Variants in LINGO2 observed in about 807,000 individuals in gnomAD.
LINGO2 encodes the protein leucine rich repeat and Ig domain containing 2, also known as leucine-rich repeat and immunoglobulin-like domain-containing nogo receptor-interacting protein 2.
Under a neutral mutation model 30.6 loss-of-function variants are expected in LINGO2, and 14 were observed. That is an observed-to-expected ratio of 0.46 (90% CI 0.30 to 0.72). The LOEUF is 0.72. LINGO2 is among the 30% of genes least tolerant of loss of function. The pLI, the probability that LINGO2 is intolerant of heterozygous loss-of-function variation, is 0.07. For synonymous variants in LINGO2, 317 were observed against 288.5 expected, an observed-to-expected ratio of 1.10 and a Z score of -1.00; for missense variants, 729 against 751.7, an observed-to-expected ratio of 0.97 and a Z score of 0.35.
intron 4 of LINGO2, among the ~76,000 whole-genome samples, chr9:28,150,538 C>T (rs572885035): frequency 5.9e-5 from 9 of 152,156 alleles, no homozygotes; most frequent in African/African-American, 9.6e-5. Context: ...GAGCCGAGAT[C>T]GCACCACTGC....
intron 4 of LINGO2, among the ~76,000 whole-genome samples, chr9:28,276,107 C>T (rs2134107213): frequency 6.6e-6 from 1 of 152,196 alleles, no homozygotes; most frequent in Admixed American, 6.5e-5. Flanking sequence ...GGCTATGAGT[C>T]AAGGGGATTT....
At chr9:28,260,807 C>A (rs139638805) in intron 4 of LINGO2, among the ~76,000 whole-genome samples, 1 of 151,852 alleles carries the variant, frequency 6.6e-6, no homozygotes, top group South Asian at 2.1e-4. Flanking sequence ...TTCCTTTAGT[C>A]TCATATGACA....
In LINGO2 at chr9:27,957,443, G is replaced by A. The variant is rs147167819; in HGVS notation, c.-35-6737C>T. Among the ~76,000 whole-genome samples the A allele has an allele frequency of 3.5e-3, 530 of 152,198 alleles. 2 individuals carry two copies. Among genetic ancestry groups the A allele is most frequent in the Non-Finnish European group, 5.9e-3 (403 of 67,998 alleles). ...CGAGTAGCTGGGATTACAGGCATGT[G>A]TCACCAGGCCCAGCTATTTTTTGTA... On this transcript the variant is annotated intron_variant, in intron 5 of 5. Transcript: ENST00000379992.
At chr9:28,617,678 C>A (rs979022611) in intron 1 of LINGO2, among the ~76,000 whole-genome samples, 1 of 152,096 alleles carries the variant, frequency 6.6e-6, no homozygotes, top group Non-Finnish European at 1.5e-5. Context: ...AAATTACTCC[C>A]TTTATTTTCA....
At chr9:28,916,837 G>A in the LINGO2 span, among the ~76,000 whole-genome samples, 67 of 152,310 alleles carry the variant, frequency 4.4e-4, no homozygotes, top group Non-Finnish European at 8.2e-4. Context: ...TTAAATAGGT[G>A]TATATTCTAC....
At chr9:28,837,661 C>T in the LINGO2 span, among the ~76,000 whole-genome samples, 58,846 of 85,068 alleles carry the variant, frequency 0.69, 20,954 homozygotes, top group Middle Eastern at 0.86. Context: ...TATATATATA[C>T]ATATATATAT....
At chr9:28,822,250 A>G in the LINGO2 span, among the ~76,000 whole-genome samples, 8 of 152,340 alleles carry the variant, frequency 5.3e-5, no homozygotes, top group South Asian at 6.2e-4. Context: ...GGCCGAATAA[A>G]AAGCAAACTA....
chr9:29,016,835 C>T, the LINGO2 span, among the ~76,000 whole-genome samples: 2 of 152,232 alleles, frequency 1.3e-5, no homozygotes, highest in African/African-American at 4.8e-5. Context: ...CAACGATTTA[C>T]CCCTTCTACA....
At chr9:28,245,702 A>AAGAGAAT (rs1821972391) in intron 4 of LINGO2, among the ~76,000 whole-genome samples, 1 of 151,828 alleles carries the variant, frequency 6.6e-6, no homozygotes. Context: ...AATTGCTACA[A>AAGAGAAT]AGAGAATAAA....
the LINGO2 span, among the ~76,000 whole-genome samples, chr9:28,830,060 C>T: frequency 6.6e-6 from 1 of 152,164 alleles, no homozygotes; most frequent in East Asian, 1.9e-4. Flanking sequence ...CTGTAAAATC[C>T]AAGATAAAAA....
rs146723553 is a variant in LINGO2 at position 28,071,039 on chromosome 9, A to G, written c.-86-58634T>C. 2.1e-3 allele frequency among the ~76,000 whole-genome samples: 321 copies of G among 152,268 alleles called. 2 individuals carry two copies. Among genetic ancestry groups the G allele is most frequent in the African/African-American group, 7.1e-3 (297 of 41,552 alleles). ...CCCAGTACTACTGTTTATAAAGTAT[A>G]TTGAGGAAGATGAGATAGTTTACAT... On this transcript the variant is annotated intron_variant, in intron 4 of 5. Transcript: ENST00000379992.
At chr9:28,410,834 C>A (rs1587632731) in intron 2 of LINGO2, among the ~76,000 whole-genome samples, 1 of 151,974 alleles carries the variant, frequency 6.6e-6, no homozygotes, top group East Asian at 1.9e-4. Context: ...AAAACTCAAT[C>A]GTCAGGCAAA....
At chr9:28,869,722 T>C in the LINGO2 span, among the ~76,000 whole-genome samples, 58 of 152,050 alleles carry the variant, frequency 3.8e-4, no homozygotes, top group Non-Finnish European at 7.4e-4. Flanking sequence ...CCAAAATCAA[T>C]AGGTGATCAA....
At chr9:28,727,905 G>C in the LINGO2 span, among the ~76,000 whole-genome samples, 1 of 152,150 alleles carries the variant, frequency 6.6e-6, no homozygotes, top group Middle Eastern at 3.2e-3. Flanking sequence ...TACAGAGGCA[G>C]AGATAAAGAA....
chr9:29,028,869 G>A, the LINGO2 span, among the ~76,000 whole-genome samples: 1 of 152,134 alleles, frequency 6.6e-6, no homozygotes, highest in Non-Finnish European at 1.5e-5. Flanking sequence ...AGCCAAGCTT[G>A]GTTCAAAGCT....
intron 1 of LINGO2, among the ~76,000 whole-genome samples, chr9:28,587,038 TC>T (rs1469948124): frequency 6.6e-6 from 1 of 151,952 alleles, no homozygotes; most frequent in African/African-American, 2.4e-5. Context: ...TCGTAAGGCT[TC>T]ATACAGCTAG....
chr9:27,973,268 A>G (rs1820438151), intron 5 of LINGO2, among the ~76,000 whole-genome samples: 2 of 152,164 alleles, frequency 1.3e-5, no homozygotes, highest in Non-Finnish European at 2.9e-5. Flanking sequence ...AAAGCAGTGG[A>G]TTCTCCAGTT....
the LINGO2 span, among the ~76,000 whole-genome samples, chr9:28,702,521 G>A: frequency 1.3e-5 from 2 of 151,612 alleles, no homozygotes; most frequent in East Asian, 3.9e-4. Flanking sequence ...TTTATAAATT[G>A]CTGTATTCAA....
chr9:28,512,017 G>C (rs1413965149), intron 1 of LINGO2, among the ~76,000 whole-genome samples: 2 of 151,860 alleles, frequency 1.3e-5, no homozygotes. Context: ...CATCAGTGCA[G>C]GCTGGGGGAG....
Sources: allele counts gnomAD v4.1 joint callset (sites outside exome capture counted in the v4.1 genomes callset), GRCh38; gene constraint gnomAD v4.1.1; transcripts MANE v1.5; gene names NCBI Gene and HGNC (gene_info 2026-07-23, HGNC 2026-07-21).